Variants in KIF3A observed in about 807,000 individuals in gnomAD.
The protein encoded by KIF3A is kinesin-like protein KIF3A.
A neutral mutation model predicts 92.6 loss-of-function variants in KIF3A; 27 were observed. The observed-to-expected ratio is 0.29, with a 90% CI of 0.21 to 0.40. The LOEUF is 0.40. Ranked by LOEUF, KIF3A falls within the 10% of genes least tolerant of loss-of-function variation. The pLI is 1.00. For synonymous variants in KIF3A, 250 were observed against 275.4 expected, an observed-to-expected ratio of 0.91 and a Z score of 0.92; for missense variants, 581 against 872.6, an observed-to-expected ratio of 0.67 and a Z score of 4.21.
chr5:132,696,167 C>G lies in KIF3A; in HGVS notation c.*467G>C, dbSNP rs368430848. ...CAAACAGGCTGGGTGGGTGTTAGGACGGAATCATTCTTTAGATGTACAGTC... is the reference window on the plus strand; with the variant it reads ...CAAACAGGCTGGGTGGGTGTTAGGAGGGAATCATTCTTTAGATGTACAGTC... On this transcript the variant is annotated 3_prime_UTR_variant, in exon 19 of 19. Transcript: ENST00000403231. The G allele has an allele frequency of 1.3e-4, 20 of 152,836 alleles. No individual in the cohort carries two copies. Among genetic ancestry groups the G allele is most frequent in the African/African-American group, 4.8e-4 (20 of 41,520 alleles). The allele number at this position is 152,836 out of a possible 1,614,324, so 9.5% of individuals were successfully genotyped here.
At position 132,716,856 on chromosome 5, in the gene KIF3A, C is replaced by T. The variant is rs1753643603; in HGVS notation, c.745G>A (p.Val249Ile). The change falls in exon 6 of 19, where the codon GTA (valine) becomes ATA (isoleucine). Residue 249 changes from valine to isoleucine, a missense_variant. Physicochemically the swap from Val to Ile is conservative, Grantham distance 29. Transcript: ENST00000403231. ...MHVRMGKLHL[V>I]DLAGSERQAK... ...GTCCTGTTACTTACAGCAAGATCTA[C>T]AAGATGGAGCTTCCCCATCCTGACA... is the stretch of plus-strand genomic sequence containing the variant. The T allele has an allele frequency of 6.2e-7, 1 of 1,613,930 alleles. No individual in the cohort carries two copies. Among genetic ancestry groups the T allele is most frequent in the African/African-American group, 1.3e-5 (1 of 75,038 alleles).
chr5:132,692,930 A>G lies in KIF3A; in HGVS notation c.*3704T>C, dbSNP rs1164314253. On this transcript the variant is annotated 3_prime_UTR_variant, in exon 19 of 19. Transcript: ENST00000403231. ...AATTTAAAATAAAACAAATGTATAC[A>G]TTAGGAAATTGGGCAGACATTGGTG... The G allele has an allele frequency of 6.5e-6, 1 of 152,678 alleles. No individual in the cohort carries two copies. The highest frequency in any genetic ancestry group is 1.9e-4 in the East Asian group (1 of 5,204). 9.5% of individuals were successfully genotyped at this position (152,678 alleles called of 1,614,324 possible).
At chr5:132,725,944 G>T (rs777321874) in intron 4 of KIF3A, among the ~76,000 whole-genome samples, 184 bp downstream of exon 4, 43 of 152,180 alleles carry the variant, frequency 2.8e-4, no homozygotes, top group East Asian at 5.8e-4. Context: ...TTTACCACCT[G>T]ACTCAGCAAT....
chr5:132,691,855 C>G (rs1026638469), downstream of KIF3A, among the ~76,000 whole-genome samples: 7 of 151,508 alleles, frequency 4.6e-5, no homozygotes, highest in African/African-American at 1.5e-4. Context: ...TGAGCTAAGA[C>G]TGTGCCACTG....
intron 5 of KIF3A, among the ~76,000 whole-genome samples, chr5:132,717,443 T>C (rs768520582): frequency 3.3e-5 from 5 of 152,110 alleles, no homozygotes; most frequent in African/African-American, 7.2e-5. Context: ...TGAGCTGAGA[T>C]TGCGCCACTG....
intron 1 of KIF3A, 55 bp downstream of exon 1, chr5:132,737,359 C>T: frequency 1.3e-6 from 2 of 1,571,112 alleles, no homozygotes; most frequent in Non-Finnish European, 1.7e-6. Flanking sequence ...GCCGCGCCCC[C>T]GGGCCAGGCC....
At chr5:132,705,698 A>T (rs1036245040) in intron 11 of KIF3A, among the ~76,000 whole-genome samples, 1 of 152,046 alleles carries the variant, frequency 6.6e-6, no homozygotes, top group Admixed American at 6.5e-5. Flanking sequence ...TAGTTTCAAA[A>T]GCCTAATATT....
rs1038960845 is a variant in KIF3A, at chr5:132,722,422, T to G, written c.511-1708A>C. ...CAGTTACCCTCTTGTCCTAGAATAT[T>G]TTAGAAATTTGCGCAAGAGTTTCTG... is the stretch of plus-strand genomic sequence containing the variant. On this transcript the variant is annotated intron_variant, in intron 4 of 18. Coordinates refer to ENST00000403231, the MANE Select transcript of KIF3A (RefSeq NM_001300791.2). Among the ~76,000 whole-genome samples, 15 of 152,286 alleles carry G rather than the reference T, an allele frequency of 9.8e-5. No individual in the cohort carries two copies. In the East Asian group the frequency reaches 2.9e-3, roughly 29 times the overall value.
chr5:132,691,313 C>A (rs1478651475), downstream of KIF3A, among the ~76,000 whole-genome samples: 1 of 151,382 alleles, frequency 6.6e-6, no homozygotes. Context: ...TCTGGGAGGC[C>A]GAGGTGGGTG....
chr5:132,712,872 T>C (rs1581079029), intron 8 of KIF3A, among the ~76,000 whole-genome samples: 1 of 152,234 alleles, frequency 6.6e-6, no homozygotes, highest in East Asian at 1.9e-4. Context: ...TAAAAAGGCA[T>C]GACATGGCCG....
chr5:132,697,544 G>A (rs1338052037), intron 18 of KIF3A: 2 of 152,010 alleles, frequency 1.3e-5, no homozygotes, highest in East Asian at 1.9e-4. Flanking sequence ...GGCCAGGCAC[G>A]GTGGCTCATG....
At chr5:132,734,133 C>A in intron 2 of KIF3A, 72 bp downstream of exon 2, 1 of 1,184,694 alleles carries the variant, frequency 8.4e-7, no homozygotes, top group South Asian at 1.4e-5. Flanking sequence ...TGCACAGCTG[C>A]AATATGTGAA....
chr5:132,717,124 T>A (rs1295073836), intron 5 of KIF3A, 140 bp from the exon 6 acceptor site: 1 of 704,988 alleles, frequency 1.4e-6, no homozygotes, highest in African/African-American at 1.8e-5. Flanking sequence ...AAGGCATGGG[T>A]GTGTACTTAG....
At chr5:132,700,744 C>A in intron 15 of KIF3A, 44 bp from the exon 16 acceptor site, 1 of 1,234,862 alleles carries the variant, frequency 8.1e-7, no homozygotes, top group Non-Finnish European at 1.2e-6. Context: ...TATTTAATAA[C>A]ATCTAAAATA....
Position 132,695,938 on chromosome 5 carries a change from T to C in KIF3A, c.*696A>G, listed in dbSNP as rs1243716426. ...TACAATTCAATGTTTCAAGAGAACA[T>C]GAAACCAGAACTTAAGGTGTATTTG... On this transcript the variant is annotated 3_prime_UTR_variant, in exon 19 of 19. Transcript: ENST00000403231. 3.3e-5 allele frequency: 5 copies of C among 152,324 alleles called. No individual in the cohort carries two copies. The highest frequency in any genetic ancestry group is 1.2e-4 in the African/African-American group (5 of 41,458). The allele number at this position is 152,324 out of a possible 1,614,324, so 9.4% of individuals were successfully genotyped here. A position where few individuals can be genotyped will look rare whatever the true frequency, so the allele number is the denominator to read the frequency against.
chr5:132,724,709 G>A (rs997758306), intron 4 of KIF3A, among the ~76,000 whole-genome samples: 8 of 149,918 alleles, frequency 5.3e-5, no homozygotes, highest in Admixed American at 4.7e-4. Flanking sequence ...GAGTTAATGG[G>A]TGCAGCACAC....
At chr5:132,732,824 G>A (rs1581103376) in intron 2 of KIF3A, among the ~76,000 whole-genome samples, 3 of 151,772 alleles carry the variant, frequency 2.0e-5, no homozygotes, top group South Asian at 2.1e-4. Flanking sequence ...CAGGAGAATC[G>A]CTTGAACCCA....
At chr5:132,691,097 A>T (rs1441363184), downstream of KIF3A, among the ~76,000 whole-genome samples, 1 of 152,208 alleles carries the variant, frequency 6.6e-6, no homozygotes, top group Non-Finnish European at 1.5e-5. Context: ...TGTCTTGGAG[A>T]TACTTCAAGC....
chr5:132,719,659 T>A (rs2149910039), intron 5 of KIF3A, among the ~76,000 whole-genome samples: 1 of 151,714 alleles, frequency 6.6e-6, no homozygotes, highest in South Asian at 2.1e-4. Flanking sequence ...TCCCAGCTAA[T>A]TTTTGTATTT....
Sources: gnomAD v4.1 joint callset for allele counts (sites outside exome capture counted in the v4.1 genomes callset) on GRCh38, gnomAD v4.1.1 for gene constraint, MANE v1.5 for transcripts, NCBI Gene and HGNC (gene_info 2026-07-23, HGNC 2026-07-21) for gene names.